The following PKD1 variants were observed in gnomAD, a reference collection of about 807,000 sequenced individuals.
PKD1 encodes the protein polycystin-1.
PKD1 carries 81 observed loss-of-function variants against 361.7 expected under a neutral mutation model. The observed-to-expected ratio is 0.22, with a 90% CI of 0.19 to 0.27. The LOEUF is 0.27. PKD1 is among the 10% of genes least tolerant of loss of function. The pLI is 1.00. For synonymous variants in PKD1, 3,615 were observed against 2,818.3 expected, an observed-to-expected ratio of 1.28 and a Z score of -8.95; for missense variants, 6,399 against 6,118.3, an observed-to-expected ratio of 1.05 and a Z score of -1.53.
In PKD1 at chr16:2,110,531, G is replaced by C; in HGVS notation, c.4636C>G (p.Arg1546Gly). The C allele has an allele frequency of 6.2e-7, 1 of 1,611,536 alleles. No homozygotes were observed. The highest frequency in any genetic ancestry group is 8.5e-7 in the Non-Finnish European group (1 of 1,179,782). Residue 1546 changes from arginine (R) to glycine (G), a missense_variant, in exon 15 of 46, where the codon CGG becomes GGG. Coordinates refer to ENST00000262304, the MANE Select transcript of PKD1 (RefSeq NM_001009944.3). ...SEAWLNVTVK[R>G]RVRGLVVNAS... is the part of the protein sequence containing the mutation. ...TTGACGACGAGCCCCCGCACGCGCCGCTTCACCGTCACATTGAGCCAGGCC... is the reference window on the plus strand; with the variant it reads ...TTGACGACGAGCCCCCGCACGCGCCCCTTCACCGTCACATTGAGCCAGGCC...
chr16:2,128,812 C>A (rs1278264575), intron 1 of PKD1, among the ~76,000 whole-genome samples: 1 of 152,138 alleles, frequency 6.6e-6, no homozygotes, highest in African/African-American at 2.4e-5. Flanking sequence ...TCAAGCGATT[C>A]TCCTGCCTCA....
rs770306828 is a variant in PKD1 at position 2,100,368 on chromosome 16, G to A, written c.9568+28C>T. The A allele has an allele frequency of 4.2e-5, 67 of 1,610,930 alleles. 1 individual carries two copies. In the Middle Eastern group the frequency reaches 9.0e-4, roughly 22 times the overall value. On this transcript the variant is annotated intron_variant, in intron 27 of 45. Coordinates refer to ENST00000262304, the MANE Select transcript of PKD1 (RefSeq NM_001009944.3). The surrounding 1 kb of genome is among the most constrained non-coding windows in gnomAD (Gnocchi z 4.4). ...GGGCGCCCCAATGCGGGGGCAGAGG[G>A]GCAGAGCTTGGCAGGGTCCGCACAA...
chr16:2,102,790 G>A, intron 24 of PKD1, 24 bp downstream of exon 24: 2 of 1,609,738 alleles, frequency 1.2e-6, no homozygotes, highest in Non-Finnish European at 1.7e-6. Context: ...GCCCTGCCCT[G>A]CCAGGCTGGC....
chr16:2,106,196 G>T lies in PKD1; in HGVS notation c.7598C>A (p.Ser2533Tyr), dbSNP rs777456381. The change falls in exon 19 of 46, where the codon TCC becomes TAC. Residue 2533 changes from serine (S) to tyrosine (Y), a missense_variant. Physicochemically the swap from Ser to Tyr is moderately radical, Grantham distance 144 (BLOSUM62 -2). Coordinates refer to ENST00000262304, the MANE Select transcript of PKD1 (RefSeq NM_001009944.3). This position sits in a 1 kb window ranked among gnomAD's most constrained non-coding sequence, Gnocchi z 6.5. ...CGGGGGCAGCACGGCTCCGTAGCTG[G>T]AGAGGCTGCCCTTGTAGACACAGAA... ...EEFCVYKGSLSSYGAVLPPGF... is the reference protein window; with the variant it reads ...EEFCVYKGSLYSYGAVLPPGF... 3.7e-6 allele frequency: 6 copies of T among 1,610,238 alleles called. No homozygotes were observed. The East Asian group carries it at 1.3e-4, about 36-fold the overall frequency.
Position 2,108,768 on chromosome 16 carries a change from G to T in PKD1, c.6399C>A (p.Phe2133Leu). 1 of 1,571,674 alleles carries T rather than the reference G, an allele frequency of 6.4e-7. No individual in the cohort carries two copies. Among genetic ancestry groups the T allele is most frequent in the Non-Finnish European group, 8.6e-7 (1 of 1,159,822 alleles). Residue 2133 changes from phenylalanine (F) to leucine (L), a missense_variant, in exon 15 of 46, where the codon TTC becomes TTA. Transcript: ENST00000262304. The stretch of plus-strand genomic sequence containing the variant: ...GGACGGTCACCGTGGCCTGCGCCAC[G>T]AAGAAGCTCACCAGGTTGGAGGCGT... ...QVNASNLVSF[F>L]VAQATVTVQV...
intron 1 of PKD1, chr16:2,135,256 G>C: frequency 1.0e-6 from 1 of 985,234 alleles, no homozygotes; most frequent in Non-Finnish European, 1.2e-6. Context: ...GAGCCCCCGG[G>C]TGGGACGTCT....
Position 2,092,144 on chromosome 16 carries a change from C to T in PKD1, c.11314G>A (p.Ala3772Thr). 1.9e-6 allele frequency: 3 copies of T among 1,612,592 alleles called. No homozygotes were observed. The highest frequency in any genetic ancestry group is 2.2e-5 in the East Asian group (1 of 44,874). Reference protein sequence around the residue: ...PPGPRVHTCSAAGGFSTSDYD... With the variant: ...PPGPRVHTCSTAGGFSTSDYD... ...TCGCTGGTGCTGAAGCCTCCTGCGG[C>T]CGAGCACGTGTGGACCCTGGGGCCG... Residue 3772 changes from alanine to threonine, a missense_variant, in exon 40 of 46, where the codon GCC becomes ACC. Coordinates refer to ENST00000262304, the MANE Select transcript of PKD1 (RefSeq NM_001009944.3).
In PKD1 at chr16:2,112,948, G is replaced by A. The variant is rs764630631; in HGVS notation, c.3001C>T (p.His1001Tyr). The A allele has an allele frequency of 6.2e-7, 1 of 1,601,220 alleles. No homozygotes were observed. Among genetic ancestry groups the A allele is most frequent in the Non-Finnish European group, 8.5e-7 (1 of 1,179,706 alleles). Reference protein sequence around the residue: ...VFKLSLTASNHVSNVTVNYNV... With the variant: ...VFKLSLTASNYVSNVTVNYNV... ...TAGTTCACGGTGACGTTGCTCACGT[G>A]GTTGGAGGCCGTCAGCTGCAGGGAC... is the stretch of plus-strand genomic sequence containing the variant. The change falls in exon 13 of 46, where the codon CAC becomes TAC. Residue 1001 changes from histidine (H) to tyrosine (Y), a missense_variant. Transcript: ENST00000262304.
rs572128858 is a variant in PKD1, at chr16:2,109,828, G to A, written c.5339C>T (p.Thr1780Ile). The A allele has an allele frequency of 3.1e-6, 5 of 1,610,700 alleles. No homozygotes were observed. The highest frequency in any genetic ancestry group is 4.5e-5 in the East Asian group (2 of 44,888). ...SFPTPGLHLVTMTAGNPLGSA... is the reference protein window; with the variant it reads ...SFPTPGLHLVIMTAGNPLGSA... ...GCCCAGCGGGTTCCCTGCCGTCATGGTGACCAAGTGCAGGCCGGGTGTGGG... is the reference window on the plus strand; with the variant it reads ...GCCCAGCGGGTTCCCTGCCGTCATGATGACCAAGTGCAGGCCGGGTGTGGG... The change falls in exon 15 of 46, where the codon ACC becomes ATC. Residue 1780 changes from threonine to isoleucine, a missense_variant. Physicochemically the swap from Thr to Ile is moderately conservative, Grantham distance 89. Transcript: ENST00000262304.
chr16:2,119,100 G>C lies in PKD1; in HGVS notation c.359+14C>G, dbSNP rs1159081805. 41 of 1,183,710 alleles carry C rather than the reference G, an allele frequency of 3.5e-5. No individual in the cohort carries two copies. Among genetic ancestry groups the C allele is most frequent in the Non-Finnish European group, 4.9e-5 (40 of 814,930 alleles). 73.3% of individuals were successfully genotyped at this position (1,183,710 alleles called of 1,614,324 possible). ...GGGTCCAGCCAGGACCCCACCCAAA[G>C]AACCACAACTTACATTTCACTTAAA... is the stretch of plus-strand genomic sequence containing the variant. On this transcript the variant is annotated intron_variant, in intron 3 of 45. Transcript: ENST00000262304.
rs1038074860 is a variant in PKD1 at position 2,114,130 on chromosome 16, C to A, written c.2853+40G>T. The A allele has an allele frequency of 1.9e-6, 3 of 1,582,016 alleles. No homozygotes were observed. In the African/African-American group the frequency reaches 4.0e-5, roughly 21 times the overall value. On this transcript the variant is annotated intron_variant, in intron 11 of 45. Transcript: ENST00000262304. ...TGTGTGAGCACCCTGTCTGCAGGCA[C>A]CTGCCTGGGGGCTGGTGGTGGAGCC...
chr16:2,093,314 G>C, intron 37 of PKD1: 1 of 674,482 alleles, frequency 1.5e-6, no homozygotes, highest in Non-Finnish European at 2.5e-6. Context: ...GGTGCTTAGG[G>C]GCCTTCAGGG....
intron 30 of PKD1, chr16:2,099,364 G>T (rs866371806): frequency 8.3e-6 from 4 of 479,340 alleles, no homozygotes; most frequent in South Asian, 7.9e-5. Flanking sequence ...GCACAGCCGC[G>T]TGCTTGCTTC....
rs1222318196 is a variant in PKD1 at position 2,121,778 on chromosome 16, C to A, written c.216-2400G>T. ...TATGGCTCCGCAGGTCTGCACACCA[C>A]CCCCCTGCTCCCCAGGACCCCGAGG... On this transcript the variant is annotated intron_variant, in intron 1 of 45. Transcript: ENST00000262304. Among the ~76,000 whole-genome samples, 4 of 152,282 alleles carry A rather than the reference C, an allele frequency of 2.6e-5. No individual in the cohort carries two copies. In the East Asian group the frequency reaches 7.8e-4, roughly 30 times the overall value.
rs555641011 is a variant in PKD1 at position 2,093,404 on chromosome 16, C to T, written c.11016+140G>A. 268 of 852,308 alleles carry T rather than the reference C, an allele frequency of 3.1e-4. 8 individuals are homozygous for T. In the South Asian group the frequency reaches 4.3e-3, roughly 14 times the overall value. 52.8% of individuals were successfully genotyped at this position (852,308 alleles called of 1,614,324 possible). ...GGGGGGCGTGGGGTAGGAGGGAGAC[C>T]GGGCAAAGGCTGCAGAGCATTGAAC... On this transcript the variant is annotated intron_variant, in intron 37 of 45. Transcript: ENST00000262304.
At chr16:2,096,301 C>T (rs1430762973) in intron 34 of PKD1, among the ~76,000 whole-genome samples, 1 of 152,252 alleles carries the variant, frequency 6.6e-6, no homozygotes, top group Non-Finnish European at 1.5e-5. Context: ...TGCACTGAAT[C>T]CTGCAGGCAG....
In PKD1 at chr16:2,105,375, C is replaced by G; in HGVS notation, c.7963G>C (p.Val2655Leu). Residue 2655 changes from valine to leucine, a missense_variant, in exon 21 of 46, where the codon GTC becomes CTC. Coordinates refer to ENST00000262304, the MANE Select transcript of PKD1 (RefSeq NM_001009944.3). ...NITETLVSLRVHTVDDIQQIA... is the reference protein window; with the variant it reads ...NITETLVSLRLHTVDDIQQIA... ...TGCTGGATGTCATCCACAGTGTGGACCCTCAGGGACACCAGAGTCTCCGTG... is the reference window on the plus strand; with the variant it reads ...TGCTGGATGTCATCCACAGTGTGGAGCCTCAGGGACACCAGAGTCTCCGTG... 3 of 1,587,724 alleles carry G rather than the reference C, an allele frequency of 1.9e-6. No individual in the cohort carries two copies. Among genetic ancestry groups the G allele is most frequent in the Non-Finnish European group, 2.6e-6 (3 of 1,173,164 alleles).
chr16:2,103,414 G>A lies in PKD1; in HGVS notation c.8643C>T (p.Asp2881=), dbSNP rs2092184311. ...AITVKVPNNS[D]WAARGHRSSA... ...AGCTGCGGTGGCCCCGGGCAGCCCA[G>A]TCCGAGTTGTTGGGCACCTTCACGG... The change falls in exon 23 of 46, where the codon GAC becomes GAT. Residue 2881 remains aspartate (D), a synonymous_variant. Transcript: ENST00000262304. The A allele has an allele frequency of 1.9e-6, 3 of 1,599,360 alleles. No homozygotes were observed. Among genetic ancestry groups the A allele is most frequent in the Non-Finnish European group, 2.5e-6 (3 of 1,179,596 alleles).
In PKD1 at chr16:2,109,241, C is replaced by T. The variant is rs2854618; in HGVS notation, c.5926G>A (p.Val1976Met). ...VVLEAVSGLQ[V>M]PNCCEPGIAT... The stretch of plus-strand genomic sequence containing the variant: ...ATGCCAGGCTCGCAGCAGTTGGGCA[C>T]CTGCAGCCCACTCACGGCCTCCAGC... Residue 1976 changes from valine (V) to methionine (M), a missense_variant, in exon 15 of 46, where the codon GTG (valine) becomes ATG (methionine). Transcript: ENST00000262304. The T allele has an allele frequency of 6.3e-7, 1 of 1,589,002 alleles. No homozygotes were observed. Among genetic ancestry groups the T allele is most frequent in the Middle Eastern group, 2.0e-4 (1 of 5,042 alleles).
Sources: gnomAD v4.1 joint callset for allele counts (sites outside exome capture counted in the v4.1 genomes callset) on GRCh38, gnomAD v4.1.1 for gene constraint, Gnocchi (gnomAD v3.1) non-coding constraint, MANE v1.5 for transcripts, NCBI Gene and HGNC (gene_info 2026-07-23, HGNC 2026-07-21) for gene names.